The following SLC12A7 variants were observed in gnomAD, a reference collection of about 807,000 sequenced individuals.
The protein encoded by SLC12A7 is solute carrier family 12 member 7, also known as K-Cl cotransporter 4.
SLC12A7 carries 100 observed loss-of-function variants against 120.6 expected under a neutral mutation model. The observed-to-expected ratio is 0.83, with a 90% CI of 0.71 to 0.98. The LOEUF (loss-of-function observed/expected upper bound fraction) is 0.98. Among genes scored for constraint, SLC12A7 ranks in the 50% least tolerant of loss-of-function variants. The pLI, the probability that SLC12A7 is intolerant of heterozygous loss-of-function variation, is 0.00. For missense variants in SLC12A7, 1,373 were observed against 1,548.1 expected (o/e 0.89, Z 1.90); for synonymous variants, 760 against 678.0 (o/e 1.12, Z -1.88).
intron 21 of SLC12A7, among the ~76,000 whole-genome samples, chr5:1,059,246 G>A (rs983479164): frequency 2.0e-5 from 3 of 152,268 alleles, no homozygotes; most frequent in Admixed American, 6.5e-5. Context: ...TGACCTGCCC[G>A]GGGTCTGGGA....
intron 1 of SLC12A7, among the ~76,000 whole-genome samples, chr5:1,104,273 T>TGACAG (rs1742294602): frequency 6.6e-6 from 1 of 152,216 alleles, no homozygotes; most frequent in Non-Finnish European, 1.5e-5. Context: ...GCCACCCTCG[T>TGACAG]GACAGGCTGG....
chr5:1,085,090 CG>C, intron 7 of SLC12A7, 141 bp downstream of exon 7: 1 of 1,198,842 alleles, frequency 8.3e-7, no homozygotes, highest in Middle Eastern at 2.9e-4. Context: ...AACGAGCCCA[CG>C]GGGGTTCCCG....
the SLC12A7 span, among the ~76,000 whole-genome samples, chr5:1,154,259 T>C: frequency 6.6e-6 from 1 of 151,550 alleles, no homozygotes; most frequent in Non-Finnish European, 1.5e-5. Context: ...CCACAACCTA[T>C]CTAGGGCACT....
At chr5:1,067,866 G>A (rs540413864) in intron 17 of SLC12A7, among the ~76,000 whole-genome samples, 4 of 151,818 alleles carry the variant, frequency 2.6e-5, no homozygotes, top group African/African-American at 7.3e-5. Context: ...GCACCGTGTC[G>A]GGGACCCTGT....
At chr5:1,145,925 T>C in the SLC12A7 span, among the ~76,000 whole-genome samples, 5 of 152,180 alleles carry the variant, frequency 3.3e-5, no homozygotes, top group South Asian at 4.1e-4. This position sits in a 1 kb window ranked among gnomAD's most constrained non-coding sequence, Gnocchi z 4.4. Context: ...TGGCATTAAA[T>C]GCAGTCACAA....
At chr5:1,083,467 A>G (rs1472083429) in intron 8 of SLC12A7, among the ~76,000 whole-genome samples, 1 of 152,332 alleles carries the variant, frequency 6.6e-6, no homozygotes, top group Admixed American at 6.5e-5. Context: ...TTCCCCATAC[A>G]TGCTGCCAGG....
chr5:1,098,022 CCCAGT>C (rs887897230), intron 1 of SLC12A7, among the ~76,000 whole-genome samples: 4 of 151,946 alleles, frequency 2.6e-5, no homozygotes, highest in South Asian at 2.1e-4. Context: ...TCAATGCCAT[CCCAGT>C]CAAGAGACCC....
intron 1 of SLC12A7, among the ~76,000 whole-genome samples, chr5:1,096,676 GAAA>G: frequency 3.3e-5 from 4 of 122,038 alleles, no homozygotes; most frequent in Admixed American, 8.4e-5. Context: ...AGGGAAGGAA[GAAA>G]GGAGGGAGGG....
intron 9 of SLC12A7, 60 bp downstream of exon 9, chr5:1,081,517 G>A (rs1739105839): frequency 1.9e-6 from 3 of 1,544,484 alleles, no homozygotes; most frequent in Non-Finnish European, 2.7e-6. Flanking sequence ...GCAAGACCTT[G>A]CCTCAAAAAA....
chr5:1,104,010 G>C (rs765309081), intron 1 of SLC12A7, among the ~76,000 whole-genome samples: 1 of 152,210 alleles, frequency 6.6e-6, no homozygotes, highest in Non-Finnish European at 1.5e-5. Context: ...GGCCCCCAGC[G>C]CACCTGCCAG....
At chr5:1,082,663 C>T (rs1261653174) in intron 8 of SLC12A7, among the ~76,000 whole-genome samples, 1 of 141,694 alleles carries the variant, frequency 7.1e-6, no homozygotes, top group Admixed American at 6.9e-5. Flanking sequence ...TTCTGGAAAG[C>T]CTGGGCTTCC....
chr5:1,103,550 T>C (rs549837379), intron 1 of SLC12A7, among the ~76,000 whole-genome samples: 1 of 152,280 alleles, frequency 6.6e-6, no homozygotes, highest in East Asian at 1.9e-4. Flanking sequence ...TCCCCCCTCA[T>C]TCATACACAC....
intron 9 of SLC12A7, among the ~76,000 whole-genome samples, chr5:1,080,627 G>A (rs1350453730): frequency 1.3e-5 from 2 of 152,248 alleles, no homozygotes; most frequent in African/African-American, 2.4e-5. Flanking sequence ...CGACAAGAAG[G>A]CCGAGTGGAG....
intron 14 of SLC12A7, 66 bp downstream of exon 14, chr5:1,076,072 C>G: frequency 7.3e-7 from 1 of 1,370,694 alleles, no homozygotes; most frequent in Non-Finnish European, 1.0e-6. Flanking sequence ...AGCGGCCTCA[C>G]CAGTGGCAGA....
At chr5:1,100,187 A>G (rs1389193073) in intron 1 of SLC12A7, among the ~76,000 whole-genome samples, 1 of 152,178 alleles carries the variant, frequency 6.6e-6, no homozygotes. Context: ...AAGCCCGTGA[A>G]TCATCCACGA....
At chr5:1,078,507 G>A in intron 11 of SLC12A7, 194 bp downstream of exon 11, 1 of 632,644 alleles carries the variant, frequency 1.6e-6, no homozygotes, top group Non-Finnish European at 2.9e-6. Context: ...GCTCTGAACG[G>A]TTCCCCAGGC....
rs115502922 is a variant in SLC12A7, at chr5:1,107,672, G to A, written c.124+4196C>T. ...TTCCCGACAGCCATCCAGACCACGG[G>A]AGAGGCACTGAGAAAGCCACGCACT... On this transcript the variant is annotated intron_variant, in intron 1 of 23. Coordinates refer to ENST00000264930, the MANE Select transcript of SLC12A7 (RefSeq NM_006598.3). Among the ~76,000 whole-genome samples the A allele has an allele frequency of 2.9e-3, 438 of 152,314 alleles. 3 individuals carry two copies. Among genetic ancestry groups the A allele is most frequent in the African/African-American group, 1.0e-2 (415 of 41,562 alleles).
chr5:1,122,834 G>A, the SLC12A7 span, among the ~76,000 whole-genome samples: 2 of 152,284 alleles, frequency 1.3e-5, no homozygotes, highest in Non-Finnish European at 2.9e-5. Flanking sequence ...GGACACGAGG[G>A]TTGCTATTCC....
At chr5:1,084,015 C>T in intron 7 of SLC12A7, 59 bp from the exon 8 acceptor site, 1 of 1,473,176 alleles carries the variant, frequency 6.8e-7, no homozygotes, top group Non-Finnish European at 9.3e-7. Flanking sequence ...TTTACTGCCC[C>T]ACCCAGCTCC....
Sources: gnomAD v4.1 joint callset for allele counts (sites outside exome capture counted in the v4.1 genomes callset) on GRCh38, gnomAD v4.1.1 for gene constraint, Gnocchi (gnomAD v3.1) non-coding constraint, MANE v1.5 for transcripts, NCBI Gene and HGNC (gene_info 2026-07-23, HGNC 2026-07-21) for gene names.